TNXB: variants seen among roughly 807,000 people sequenced by gnomAD.
The protein encoded by TNXB is tenascin-X.
A neutral mutation model predicts 340.5 loss-of-function variants in TNXB; 183 were observed. The ratio of observed to expected loss-of-function variants is 0.54; its 90% confidence interval spans 0.48 to 0.61. The LOEUF (loss-of-function observed/expected upper bound fraction) is 0.61. TNXB is among the 20% of genes least tolerant of loss of function. The pLI, the probability that TNXB is intolerant of heterozygous loss-of-function variation, is 0.00. For missense variants in TNXB, 4,613 were observed against 5,446.4 expected (o/e 0.85, Z 4.82); for synonymous variants, 2,121 against 2,314.5 (o/e 0.92, Z 2.40).
rs1030821074 is a variant in TNXB, at chr6:32,061,976, T to A, written c.7168+181A>T. ...GCACAGCAAAACTCCCAATGGCCCC[T>A]CCCTGCTCAGGGGGAGCCAGGGGTC... On this transcript the variant is annotated intron_variant, in intron 20 of 43. Coordinates refer to ENST00000644971, the MANE Select transcript of TNXB (RefSeq NM_001365276.2). This position sits in a 1 kb window ranked among gnomAD's most constrained non-coding sequence, Gnocchi z 4.4. Among the ~76,000 whole-genome samples the A allele has an allele frequency of 3.9e-5, 6 of 152,034 alleles. No homozygotes were observed. Among genetic ancestry groups the A allele is most frequent in the African/African-American group, 1.2e-4 (5 of 41,382 alleles).
At position 32,081,499 on chromosome 6, in the gene TNXB, G is replaced by A; in HGVS notation, c.3911C>T (p.Ala1304Val). The change falls in exon 10 of 44, where the codon GCA becomes GTA. Residue 1304 changes from alanine to valine, a missense_variant. Transcript: ENST00000644971. The surrounding 1 kb of genome is among the most constrained non-coding windows in gnomAD (Gnocchi z 5.1). Reference sequence around the variant, plus strand: ...ATTCTCATCCCCCGCAACAGGCACTGCCTGGGGCTGCCCCTGTGCATCCTT... The same window carrying A: ...ATTCTCATCCCCCGCAACAGGCACTACCTGGGGCTGCCCCTGTGCATCCTT... ...QYKDAQGQPQ[A>V]VPVAGDENEV... 2 of 1,606,618 alleles carry A rather than the reference G, an allele frequency of 1.2e-6. No homozygotes were observed. The highest frequency in any genetic ancestry group is 1.7e-5 in the Admixed American group (1 of 58,976).
Position 32,073,515 on chromosome 6 carries a change from C to T in TNXB, c.4681+132G>A, listed in dbSNP as rs1301551677. On this transcript the variant is annotated intron_variant, in intron 12 of 43. Coordinates refer to ENST00000644971, the MANE Select transcript of TNXB (RefSeq NM_001365276.2). This position sits in a 1 kb window ranked among gnomAD's most constrained non-coding sequence, Gnocchi z 4.6. ...GGAACAGAAAGACTGGCAGGGTCAC[C>T]GAGCCAGGGCCTGAGGGGATCTAGC... is the stretch of plus-strand genomic sequence containing the variant. The T allele has an allele frequency of 1.2e-5, 9 of 772,170 alleles. No individual in the cohort carries two copies. The highest frequency in any genetic ancestry group is 2.8e-5 in the Admixed American group (1 of 36,138). The allele number at this position is 772,170 out of a possible 1,614,324, so 47.8% of individuals were successfully genotyped here.
At position 32,058,188 on chromosome 6, in the gene TNXB, C is replaced by T. The variant is rs1017437631; in HGVS notation, c.7695G>A (p.Ala2565=). The part of the protein sequence containing the change: ...QYKDRDGRPQ[A]VRVGGQESKV... ...TGCTCTCCTGGCCCCCAACACGCAC[C>T]GCCTGGGGCCGCCCGTCCCTGTCCT... The change falls in exon 22 of 44, where the codon GCG becomes GCA. Residue 2565 remains alanine (A), a synonymous_variant. Coordinates refer to ENST00000644971, the MANE Select transcript of TNXB (RefSeq NM_001365276.2). This position sits in a 1 kb window ranked among gnomAD's most constrained non-coding sequence, Gnocchi z 5.1. 21 of 1,612,446 alleles carry T rather than the reference C, an allele frequency of 1.3e-5. 1 individual carries two copies. Among genetic ancestry groups the T allele is most frequent in the African/African-American group, 6.7e-5 (5 of 74,996 alleles).
At chr6:32,048,142 A>G (rs1777020370) in intron 29 of TNXB, 130 bp from the exon 30 acceptor site, 2 of 1,239,708 alleles carry the variant, frequency 1.6e-6, no homozygotes, top group Admixed American at 2.4e-5. Flanking sequence ...TAGGAATAAA[A>G]GAGGAGCCAG....
Position 32,064,994 on chromosome 6 carries a change from TG to T in TNXB, c.6667del (p.His2223IlefsTer38). The T allele has an allele frequency of 6.2e-7, 1 of 1,612,436 alleles. No homozygotes were observed. Among genetic ancestry groups the T allele is most frequent in the Admixed American group, 1.7e-5 (1 of 59,956 alleles). ...CCCATTCTTAAACTGGACCAAGAAA[TG>T]GTCAAACTGGCCCTCGGGGACTGTC... ...SWTVPEGQFD[H>X]FLVQFKNGDG... On this transcript the variant is annotated frameshift_variant, in exon 19 of 44. Coordinates refer to ENST00000644971, the MANE Select transcript of TNXB (RefSeq NM_001365276.2). LOFTEE classifies it high-confidence loss of function. This position sits in a 1 kb window ranked among gnomAD's most constrained non-coding sequence, Gnocchi z 5.3.
rs890008081 is a variant in TNXB at position 32,050,403 on chromosome 6, C to A, written c.9116-82G>T. The A allele has an allele frequency of 8.7e-5, 135 of 1,543,434 alleles. 1 individual carries two copies. Among genetic ancestry groups the A allele is most frequent in the Admixed American group, 1.4e-4 (8 of 57,434 alleles). On this transcript the variant is annotated intron_variant, in intron 26 of 43. Coordinates refer to ENST00000644971, the MANE Select transcript of TNXB (RefSeq NM_001365276.2). ...AGGATGTGTCACAAAACACAAAGTG[C>A]CCAAGAACAGGACGATGCTGCCCAC...
Position 32,047,762 on chromosome 6 carries a change from C to T in TNXB, c.10296G>A (p.Leu3432=). The change falls in exon 30 of 44, where the codon CTG becomes CTA. Residue 3432 remains leucine (L), a synonymous_variant. Transcript: ENST00000644971. This position sits in a 1 kb window ranked among gnomAD's most constrained non-coding sequence, Gnocchi z 6.2. ...LLYGLSGRKR[L]GPISADSTTA... is the part of the protein sequence containing the mutation. ...TGGTGCTGTCAGCAGAGATGGGGCCCAGTCGTTTCCTGCCTGACAGACCAT... is the reference window on the plus strand; with the variant it reads ...TGGTGCTGTCAGCAGAGATGGGGCCTAGTCGTTTCCTGCCTGACAGACCAT... The T allele has an allele frequency of 6.2e-7, 1 of 1,605,470 alleles. No homozygotes were observed. The highest frequency in any genetic ancestry group is 8.5e-7 in the Non-Finnish European group (1 of 1,176,502).
chr6:32,080,179 C>T lies in TNXB; in HGVS notation c.4043-814G>A, dbSNP rs1463437715. On this transcript the variant is annotated intron_variant, in intron 10 of 43. Transcript: ENST00000644971. The surrounding 1 kb of genome is among the most constrained non-coding windows in gnomAD (Gnocchi z 4.3). The stretch of plus-strand genomic sequence containing the variant: ...TGAAAATGCTTTGCTGCTCCAAGCA[C>T]TATTCTAAGTGTGTGGGCTTTTTTT... 6.6e-6 allele frequency among the ~76,000 whole-genome samples: 1 copy of T among 151,494 alleles called. No individual in the cohort carries two copies. The highest frequency in any genetic ancestry group is 1.5e-5 in the Non-Finnish European group (1 of 67,948).
rs190411129 is a variant in TNXB, at chr6:32,055,926, G to T, written c.8392C>A (p.Arg2798Ser). 5.0e-6 allele frequency: 8 copies of T among 1,613,348 alleles called. No homozygotes were observed. The South Asian group carries it at 8.8e-5, about 18-fold the overall frequency. The change falls in exon 24 of 44, where the codon CGC (arginine) becomes AGC (serine). Residue 2798 changes from arginine (R) to serine (S), a missense_variant. By Grantham distance (110) the Arg-to-Ser change is moderately radical. Around this residue, in one of 7 missense-constraint regions of TNXB, gnomAD observed 4,327 missense variants for 4,859.4 expected, o/e 0.89. Coordinates refer to ENST00000644971, the MANE Select transcript of TNXB (RefSeq NM_001365276.2). ...EVTVGGLEPG[R>S]KYKMHLYGLH... ...CCGTACAGGTGCATCTTGTATTTGC[G>T]CCCGGGCTCCAGGCCCCCCACGGTG...
Position 32,042,801 on chromosome 6 carries a change from G to A in TNXB, c.11956C>T (p.His3986Tyr), listed in dbSNP as rs1361707501. Reference sequence around the variant, plus strand: ...GAGGGAAAGAGGCCAAGGAGCTGGTGAGATGTGATCCCTCCTGGGAGCAGG... The same window carrying A: ...GAGGGAAAGAGGCCAAGGAGCTGGTAAGATGTGATCCCTCCTGGGAGCAGG... ...EILLPGGITSHQLLGLFPSTS... is the reference protein window; with the variant it reads ...EILLPGGITSYQLLGLFPSTS... The change falls in exon 39 of 44, where the codon CAC becomes TAC. Residue 3986 changes from histidine (H) to tyrosine (Y), a missense_variant. Transcript: ENST00000644971. 8.5e-6 allele frequency: 5 copies of A among 589,130 alleles called. No homozygotes were observed. The highest frequency in any genetic ancestry group is 2.9e-6 in the Non-Finnish European group (1 of 344,280). The allele number at this position is 589,130 out of a possible 1,614,324, so 36.5% of individuals were successfully genotyped here. A position where few individuals can be genotyped will look rare whatever the true frequency, so the allele number is the denominator to read the frequency against.
At chr6:32,088,380 C>G (rs1779913035) in intron 6 of TNXB, among the ~76,000 whole-genome samples, 1 of 152,182 alleles carries the variant, frequency 6.6e-6, no homozygotes, top group African/African-American at 2.4e-5. Context: ...AGACCCACCT[C>G]CCAGCAATCC....
Position 32,058,034 on chromosome 6 carries a change from C to T in TNXB, c.7825+24G>A. 2 of 1,585,392 alleles carry T rather than the reference C, an allele frequency of 1.3e-6. No homozygotes were observed. The highest frequency in any genetic ancestry group is 2.3e-5 in the South Asian group (2 of 88,344). ...ACATTTTCTAGGGCTGTCTTCCAAC[C>T]CTGCCCCACCCACACTCACTCACCT... On this transcript the variant is annotated intron_variant, in intron 22 of 43. Coordinates refer to ENST00000644971, the MANE Select transcript of TNXB (RefSeq NM_001365276.2). This position sits in a 1 kb window ranked among gnomAD's most constrained non-coding sequence, Gnocchi z 5.1.
At chr6:32,050,351 A>T (rs774858946) in intron 26 of TNXB, 30 bp from the exon 27 acceptor site, 265 of 1,604,882 alleles carry the variant, frequency 1.7e-4, no homozygotes, top group African/African-American at 2.9e-4. Flanking sequence ...GACAGTGAGG[A>T]CCCTGGGTTC....
chr6:32,086,091 G>T lies in TNXB; in HGVS notation c.2807C>A (p.Thr936Asn), dbSNP rs1200536380. ...TGSSPLGLLG[T>N]TDEPPPSGPS... ...GCCTGAGGGAGGAGGCTCATCGGTA[G>T]TCCCCAAGAGGCCCAAGGGTGAGGA... The change falls in exon 7 of 44, where the codon ACT becomes AAT. Residue 936 changes from threonine (T) to asparagine (N), a missense_variant. Physicochemically the swap from Thr to Asn is moderately conservative, Grantham distance 65 (BLOSUM62 0). This residue lies in a region of TNXB where 4,327 missense variants were observed against 4,859.4 expected (regional missense o/e 0.89). Transcript: ENST00000644971. 2 of 1,557,116 alleles carry T rather than the reference G, an allele frequency of 1.3e-6. No homozygotes were observed. The highest frequency in any genetic ancestry group is 2.3e-5 in the East Asian group (1 of 42,652).
At position 32,061,513 on chromosome 6, in the gene TNXB, C is replaced by T. The variant is rs1329607092; in HGVS notation, c.7376G>A (p.Gly2459Asp). 6.2e-7 allele frequency: 1 copy of T among 1,613,626 alleles called. No homozygotes were observed. Among genetic ancestry groups the T allele is most frequent in the East Asian group, 2.2e-5 (1 of 44,878 alleles). ...DGRPQVVRVG[G>D]EESEVTVGGL... ...CCCCACGGTGACCTCGCTCTCCTCG[C>T]CCCCAACACGCACCACCTGGGGCCG... The change falls in exon 21 of 44, where the codon GGC becomes GAC. Residue 2459 changes from glycine (G) to aspartate (D), a missense_variant. Gly to Asp is a moderately conservative substitution (Grantham distance 94). Transcript: ENST00000644971. The surrounding 1 kb of genome is among the most constrained non-coding windows in gnomAD (Gnocchi z 4.4).
intron 6 of TNXB, among the ~76,000 whole-genome samples, chr6:32,086,994 C>T (rs929192397): frequency 4.6e-5 from 7 of 152,158 alleles, no homozygotes; most frequent in Non-Finnish European, 1.5e-5. Context: ...GGAAGTGTCC[C>T]GGGAAACCCC....
In TNXB at chr6:32,069,784, T is replaced by G; in HGVS notation, c.5356A>C (p.Thr1786Pro). The G allele has an allele frequency of 6.2e-7, 1 of 1,610,212 alleles. No homozygotes were observed. Among genetic ancestry groups the G allele is most frequent in the Non-Finnish European group, 8.5e-7 (1 of 1,178,300 alleles). ...PRLGEELQVT[T>P]VTQNSVGLSW... The stretch of plus-strand genomic sequence containing the variant: ...AGGCCCACGGAGTTCTGGGTCACGG[T>G]GGTCACCTGCAGCTCCTCCCCCAGA... The change falls in exon 15 of 44, where the codon ACC becomes CCC. Residue 1786 changes from threonine (T) to proline (P), a missense_variant. This residue lies in a region of TNXB where 4,327 missense variants were observed against 4,859.4 expected (regional missense o/e 0.89). Transcript: ENST00000644971. The surrounding 1 kb of genome is among the most constrained non-coding windows in gnomAD (Gnocchi z 6.2).
Position 32,085,454 on chromosome 6 carries a change from T to TGGAG in TNXB, c.3148+292_3148+295dup, listed in dbSNP as rs1239168166. Among the ~76,000 whole-genome samples the TGGAG allele has an allele frequency of 6.6e-6, 1 of 152,100 alleles. No individual in the cohort carries two copies. The highest frequency in any genetic ancestry group is 2.4e-5 in the African/African-American group (1 of 41,414). The stretch of plus-strand genomic sequence containing the variant: ...GGGACAGGGCAAGGAAAGCTGCAGG[T>TGGAG]GGAGGGCCAGGGACCTTCAGCCTCT... On this transcript the variant is annotated intron_variant, in intron 7 of 43. Coordinates refer to ENST00000644971, the MANE Select transcript of TNXB (RefSeq NM_001365276.2). This position sits in a 1 kb window ranked among gnomAD's most constrained non-coding sequence, Gnocchi z 6.4.
chr6:32,055,790 C>G, intron 24 of TNXB, 61 bp downstream of exon 24: 3 of 1,558,876 alleles, frequency 1.9e-6, no homozygotes, highest in Non-Finnish European at 2.6e-6. Flanking sequence ...TTTTTGTTTT[C>G]ATGAAGTTGC....
Sources: gnomAD v4.1 joint callset for allele counts (sites outside exome capture counted in the v4.1 genomes callset) on GRCh38, gnomAD v4.1.1 for gene constraint, gnomAD v4.1.1 regional missense constraint, Gnocchi (gnomAD v3.1) non-coding constraint, MANE v1.5 for transcripts, NCBI Gene and HGNC (gene_info 2026-07-23, HGNC 2026-07-21) for gene names.